MAPK14: variants seen among roughly 807,000 people sequenced by gnomAD.
MAPK14 encodes CSAID-binding protein.
A neutral mutation model predicts 49.6 loss-of-function variants in MAPK14; 16 were observed. That is an observed-to-expected ratio of 0.32 (90% CI 0.22 to 0.49). The LOEUF (loss-of-function observed/expected upper bound fraction) is 0.49. Among genes scored for constraint, MAPK14 ranks in the 20% least tolerant of loss-of-function variants. MAPK14 has a pLI of 0.99. For missense variants in MAPK14, 200 were observed against 441.2 expected (o/e 0.45, Z 4.90); for synonymous variants, 142 against 158.0 (o/e 0.90, Z 0.76).
chr6:36,046,577 T>A (rs1763188444), intron 1 of MAPK14, among the ~76,000 whole-genome samples: 1 of 152,198 alleles, frequency 6.6e-6, no homozygotes, highest in Admixed American at 6.5e-5. Flanking sequence ...CAAGATTATA[T>A]AGCTATTAAG....
chr6:36,107,583 G>GATC lies in MAPK14; in HGVS notation c.972_974dup (p.Asp324_Gln325insHis). 4 of 1,601,596 alleles carry GATC rather than the reference G, an allele frequency of 2.5e-6. No individual in the cohort carries two copies. Among genetic ancestry groups the GATC allele is most frequent in the Non-Finnish European group, 3.4e-6 (4 of 1,174,220 alleles). Reference sequence around the variant, plus strand: ...TGATGAACCAGTGGCCGATCCTTATGATCAGTCCTTTGAAAGCAGGGACCT... The same window carrying GATC: ...TGATGAACCAGTGGCCGATCCTTATGATCATCAGTCCTTTGAAAGCAGGGACCT... On this transcript the variant is annotated inframe_insertion, in exon 11 of 12. Transcript: ENST00000229794. This position sits in a 1 kb window ranked among gnomAD's most constrained non-coding sequence, Gnocchi z 4.3.
At chr6:36,073,031 C>A in intron 4 of MAPK14, 47 bp downstream of exon 4, 2 of 1,211,214 alleles carry the variant, frequency 1.7e-6, no homozygotes, top group Non-Finnish European at 2.4e-6. Flanking sequence ...TTCTCCCTTT[C>A]TCCCCTCCTT....
At position 36,108,801 on chromosome 6, in the gene MAPK14, T is replaced by TC; in HGVS notation, c.*357dup. 1 of 245,286 alleles carries TC rather than the reference T, an allele frequency of 4.1e-6. No individual in the cohort carries two copies. The highest frequency in any genetic ancestry group is 8.1e-6 in the Non-Finnish European group (1 of 122,840). The allele number at this position is 245,286 out of a possible 1,614,324, so 15.2% of individuals were successfully genotyped here. A position where few individuals can be genotyped will look rare whatever the true frequency, so the allele number is the denominator to read the frequency against. On this transcript the variant is annotated 3_prime_UTR_variant, in exon 12 of 12. Transcript: ENST00000229794. ...GTAAAAAAATATGAATTGTCCCCAA[T>TC]CCCGGTCATGCTTTTGCCACTTTGG...
intron 2 of MAPK14, among the ~76,000 whole-genome samples, chr6:36,058,679 G>A (rs1193384180): frequency 2.6e-5 from 4 of 152,064 alleles, no homozygotes; most frequent in South Asian, 4.2e-4. Flanking sequence ...TGGGAGGATC[G>A]CTTGAGGCCA....
Position 36,028,457 on chromosome 6 carries a change from G to A in MAPK14, c.116+184G>A, listed in dbSNP as rs1263430389. On this transcript the variant is annotated intron_variant, in intron 1 of 11. Transcript: ENST00000229794. The surrounding 1 kb of genome is among the most constrained non-coding windows in gnomAD (Gnocchi z 5.1). ...CACCCCTCGCCCTGCACTCACGCAG[G>A]TATGCGGTCCACCGTGTGCAGCACT... 6.6e-6 allele frequency among the ~76,000 whole-genome samples: 1 copy of A among 152,246 alleles called. No homozygotes were observed.
At chr6:36,032,663 T>A (rs1336854789) in intron 1 of MAPK14, among the ~76,000 whole-genome samples, 1 of 152,204 alleles carries the variant, frequency 6.6e-6, no homozygotes, top group Admixed American at 6.5e-5. Flanking sequence ...ATACCTACCA[T>A]GGGCCAGATA....
At chr6:36,044,723 T>A (rs1224718557) in intron 1 of MAPK14, among the ~76,000 whole-genome samples, 3 of 151,908 alleles carry the variant, frequency 2.0e-5, no homozygotes, top group Non-Finnish European at 2.9e-5. Context: ...AAGAAAATTT[T>A]AAAAATAATA....
chr6:36,052,588 T>A (rs909044657), intron 1 of MAPK14, 111 bp from the exon 2 acceptor site: 1 of 915,506 alleles, frequency 1.1e-6, no homozygotes, highest in Non-Finnish European at 1.5e-6. Flanking sequence ...TTATGCTTTT[T>A]TTTGGTATTT....
chr6:36,063,435 A>T (rs1763909333), intron 3 of MAPK14, among the ~76,000 whole-genome samples: 1 of 152,146 alleles, frequency 6.6e-6, no homozygotes, highest in African/African-American at 2.4e-5. Flanking sequence ...AAAAAAATTT[A>T]AAAAATTAGC....
intron 4 of MAPK14, 109 bp downstream of exon 4, chr6:36,073,093 C>G (rs1562127802): frequency 1.4e-6 from 1 of 725,432 alleles, no homozygotes; most frequent in Non-Finnish European, 2.4e-6. Context: ...AATTCAAACA[C>G]ATAAAATCAC....
rs35795294 is a variant in MAPK14, at chr6:36,036,255, CA to C, written c.116+8000del. The stretch of plus-strand genomic sequence containing the variant: ...TGGGCGATAGAGCAAGAGTACATCT[CA>C]AAAAAAAAAAAAAAAAATCAATAGA... On this transcript the variant is annotated intron_variant, in intron 1 of 11. Transcript: ENST00000229794. Among the ~76,000 whole-genome samples, 921 of 104,770 alleles carry C rather than the reference CA, an allele frequency of 8.8e-3. 8 individuals carry two copies. The highest frequency in any genetic ancestry group is 0.032 in the African/African-American group (830 of 25,928). The allele number at this position is 104,770 out of a possible 152,430, so 68.7% of individuals were successfully genotyped here.
At chr6:36,082,485 G>A (rs1194564394) in intron 8 of MAPK14, among the ~76,000 whole-genome samples, 1 of 152,190 alleles carries the variant, frequency 6.6e-6, no homozygotes, top group African/African-American at 2.4e-5. Flanking sequence ...TTGGCTCACA[G>A]TTGCATAGCT....
chr6:36,117,378 G>T, the MAPK14 span, among the ~76,000 whole-genome samples: 5 of 152,222 alleles, frequency 3.3e-5, no homozygotes, highest in East Asian at 9.6e-4. Context: ...CTTTGTGCGT[G>T]ATAGTCCCTC....
chr6:36,030,679 G>A (rs541538690), intron 1 of MAPK14, among the ~76,000 whole-genome samples: 5 of 92,712 alleles, frequency 5.4e-5, no homozygotes, highest in South Asian at 4.9e-4. Flanking sequence ...AGTGCGAGAC[G>A]CCGTCTCAAA....
Position 36,028,340 on chromosome 6 carries a change from C to G in MAPK14, c.116+67C>G. On this transcript the variant is annotated intron_variant, in intron 1 of 11. Coordinates refer to ENST00000229794, the MANE Select transcript of MAPK14 (RefSeq NM_139012.3). The surrounding 1 kb of genome is among the most constrained non-coding windows in gnomAD (Gnocchi z 5.1). ...CCCTCGCGCCCGAGGGCCAGGCCTG[C>G]TCCACTGCTCAGCGTTGCGTCAAGT... The G allele has an allele frequency of 9.1e-7, 1 of 1,099,322 alleles. No homozygotes were observed. 68.1% of individuals were successfully genotyped at this position (1,099,322 alleles called of 1,614,324 possible).
chr6:36,033,017 A>G (rs573597030), intron 1 of MAPK14, among the ~76,000 whole-genome samples: 1 of 152,230 alleles, frequency 6.6e-6, no homozygotes, highest in East Asian at 1.9e-4. Flanking sequence ...GCCAGGGCAC[A>G]AAGAAATAAA....
chr6:36,054,446 T>G (rs564519917), intron 2 of MAPK14, among the ~76,000 whole-genome samples: 2 of 152,174 alleles, frequency 1.3e-5, no homozygotes, highest in African/African-American at 2.4e-5. Flanking sequence ...ATTAGAAAAA[T>G]AGGATTTTAA....
chr6:36,123,958 G>A, the MAPK14 span, among the ~76,000 whole-genome samples: 4 of 151,946 alleles, frequency 2.6e-5, no homozygotes, highest in Non-Finnish European at 5.9e-5. Context: ...GAACCCAGAA[G>A]GCTGGCTGAG....
chr6:36,049,218 T>C (rs1253256484), intron 1 of MAPK14, among the ~76,000 whole-genome samples: 1 of 152,206 alleles, frequency 6.6e-6, no homozygotes, highest in Non-Finnish European at 1.5e-5. Context: ...GTTGTGTAGA[T>C]GTGTGCTTCT....
Sources: gnomAD v4.1 joint callset for allele counts (sites outside exome capture counted in the v4.1 genomes callset) on GRCh38, gnomAD v4.1.1 for gene constraint, Gnocchi (gnomAD v3.1) non-coding constraint, MANE v1.5 for transcripts, NCBI Gene and HGNC (gene_info 2026-07-23, HGNC 2026-07-21) for gene names.